The following SPMIP4 variants were observed in gnomAD, a reference collection of about 807,000 sequenced individuals.
The protein encoded by SPMIP4 is sperm-associated microtubule inner protein 4.
the SPMIP4 span, chr7:25,135,460 G>C: frequency 1.0e-6 from 1 of 985,720 alleles, no homozygotes; most frequent in African/African-American, 1.7e-5. Context: ...ATAGTTTTTA[G>C]AGGTGTCCAT....
chr7:25,163,552 G>T, the SPMIP4 span, among the ~76,000 whole-genome samples: 1 of 152,192 alleles, frequency 6.6e-6, no homozygotes, highest in Non-Finnish European at 1.5e-5. The surrounding 1 kb of genome is among the most constrained non-coding windows in gnomAD (Gnocchi z 4.4). Flanking sequence ...CTTGCTCAGT[G>T]GCTTCATAAC....
the SPMIP4 span, among the ~76,000 whole-genome samples, chr7:25,160,727 G>A: frequency 6.6e-6 from 1 of 152,184 alleles, no homozygotes; most frequent in Non-Finnish European, 1.5e-5. Context: ...TAACAAGTAT[G>A]CCTTACGTTA....
chr7:25,165,398 T>C, the SPMIP4 span, among the ~76,000 whole-genome samples: 1 of 152,212 alleles, frequency 6.6e-6, no homozygotes, highest in South Asian at 2.1e-4. Context: ...GAAACCACTT[T>C]CCTTTGGCCT....
the SPMIP4 span, among the ~76,000 whole-genome samples, chr7:25,146,778 T>G: frequency 0.012 from 1,883 of 152,346 alleles, 27 homozygotes; most frequent in African/African-American, 0.044. Flanking sequence ...AAAATGGTTT[T>G]GTTAAAAACA....
chr7:25,161,336 A>G, the SPMIP4 span: 1 of 730,266 alleles, frequency 1.4e-6, no homozygotes, highest in Non-Finnish European at 2.2e-6. Flanking sequence ...TAAAAGACAA[A>G]TAGATTAATA....
the SPMIP4 span, among the ~76,000 whole-genome samples, chr7:25,157,059 A>G: frequency 6.7e-6 from 1 of 149,248 alleles, no homozygotes; most frequent in Non-Finnish European, 1.5e-5. Context: ...TGCTAAAAGG[A>G]AAAAAAAAAG....
chr7:25,179,845 CCTCT>C, the SPMIP4 span: 1 of 152,470 alleles, frequency 6.6e-6, no homozygotes, highest in Admixed American at 6.5e-5. Context: ...GAGAATCCCA[CCTCT>C]CTCTCGGACT....
the SPMIP4 span, among the ~76,000 whole-genome samples, chr7:25,169,762 G>T: frequency 6.6e-6 from 1 of 152,176 alleles, no homozygotes; most frequent in Non-Finnish European, 1.5e-5. Context: ...TTTCAGTAGA[G>T]ACATGGTTTC....
the SPMIP4 span, chr7:25,142,131 T>C: frequency 2.9e-6 from 2 of 697,808 alleles, no homozygotes; most frequent in African/African-American, 1.8e-5. Flanking sequence ...TAAGTAAAAA[T>C]TTCCATTTGC....
At chr7:25,151,492 G>A in the SPMIP4 span, 7 of 694,742 alleles carry the variant, frequency 1.0e-5, no homozygotes, top group Non-Finnish European at 1.4e-5. Context: ...CTAAGTGCTG[G>A]GATTATGGGC....
chr7:25,165,253 AT>A, the SPMIP4 span, among the ~76,000 whole-genome samples: 2 of 151,684 alleles, frequency 1.3e-5, no homozygotes, highest in Non-Finnish European at 2.9e-5. Context: ...TTTCCTCTTC[AT>A]TTTCCTTATT....
At chr7:25,155,191 C>T in the SPMIP4 span, 1 of 1,502,898 alleles carries the variant, frequency 6.7e-7, no homozygotes, top group Non-Finnish European at 8.9e-7. Context: ...AAGCAGATCT[C>T]TCTAAGATTT....
chr7:25,140,384 C>T, the SPMIP4 span, among the ~76,000 whole-genome samples: 1 of 152,198 alleles, frequency 6.6e-6, no homozygotes, highest in Non-Finnish European at 1.5e-5. Flanking sequence ...TCACAGCAAC[C>T]TCTGCTTCCC....
the SPMIP4 span, among the ~76,000 whole-genome samples, chr7:25,146,095 C>T: frequency 1.6e-4 from 24 of 152,246 alleles, no homozygotes; most frequent in African/African-American, 5.5e-4. Context: ...ACCATTTTTA[C>T]ACTAACAGGT....
the SPMIP4 span, among the ~76,000 whole-genome samples, chr7:25,150,159 C>A: frequency 1.3e-5 from 2 of 152,140 alleles, no homozygotes; most frequent in African/African-American, 4.8e-5. Context: ...TAGGGATTTA[C>A]ACTCAGGCAG....
the SPMIP4 span, among the ~76,000 whole-genome samples, chr7:25,137,301 C>CTTTTTTTTTTT: frequency 7.9e-6 from 1 of 127,092 alleles, no homozygotes; most frequent in Non-Finnish European, 1.6e-5. Context: ...GCTGAATTTT[C>CTTTTTTTTTTT]TTTTTTTTTT....
At chr7:25,142,330 G>C in the SPMIP4 span, 4 of 1,584,978 alleles carry the variant, frequency 2.5e-6, no homozygotes, top group Non-Finnish European at 3.5e-6. Context: ...ATGGGCCCCA[G>C]ACCTTAATGG....
the SPMIP4 span, among the ~76,000 whole-genome samples, chr7:25,131,517 T>C: frequency 2.6e-5 from 4 of 152,176 alleles, no homozygotes; most frequent in African/African-American, 4.8e-5. The surrounding 1 kb of genome is among the most constrained non-coding windows in gnomAD (Gnocchi z 4.2). Context: ...AGAAAAAGGT[T>C]CTATGCCAGA....
the SPMIP4 span, chr7:25,151,728 A>T: frequency 9.9e-7 from 1 of 1,006,050 alleles, no homozygotes; most frequent in Non-Finnish European, 1.5e-6. Context: ...AGTCTTTTAG[A>T]GGATTAATAG....
Sources: allele counts gnomAD v4.1 joint callset (sites outside exome capture counted in the v4.1 genomes callset), GRCh38; gene constraint gnomAD v4.1.1; non-coding constraint Gnocchi (gnomAD v3.1); transcripts MANE v1.5; gene names NCBI Gene and HGNC (gene_info 2026-07-23, HGNC 2026-07-21).